Variants in KIF22 observed in about 807,000 individuals in gnomAD.
The protein encoded by KIF22 is kinesin family member 22, also known as kinesin-like protein KIF22.
Under a neutral mutation model 73.0 loss-of-function variants are expected in KIF22, and 62 were observed. The ratio of observed to expected loss-of-function variants is 0.85; its 90% CI spans 0.69 to 1.05. The LOEUF (loss-of-function observed/expected upper bound fraction) is 1.05, where lower values mean the gene tolerates loss of function less well. KIF22 is among the 50% of genes least tolerant of loss of function. The pLI, the probability that KIF22 is intolerant of heterozygous loss-of-function variation, is 0.00. For missense variants in KIF22, 854 were observed against 870.1 expected, an observed-to-expected ratio of 0.98 and a Z score of 0.23; for synonymous variants, 411 against 340.1, an observed-to-expected ratio of 1.21 and a Z score of -2.29.
Position 29,799,150 on chromosome 16 carries a change from G to A in KIF22, c.725G>A (p.Arg242His), listed in dbSNP as rs550717370. The change falls in exon 5 of 14, where the codon CGC (arginine) becomes CAC (histidine). Residue 242 changes from arginine to histidine, a missense_variant. Coordinates refer to ENST00000160827, the MANE Select transcript of KIF22 (RefSeq NM_007317.3). ...RTVGATRLNQ[R>H]SSRSHAVLLV... is the part of the protein sequence containing the mutation. ...GTAGGAGCCACCCGGCTCAACCAGC[G>A]CTCCTCCCGCAGTCATGCTGTGCTC... is the stretch of plus-strand genomic sequence containing the variant. The A allele has an allele frequency of 4.6e-5, 75 of 1,613,976 alleles. No individual in the cohort carries two copies. In the East Asian group the frequency reaches 1.2e-3, roughly 26 times the overall value.
chr16:29,797,101 C>A lies in KIF22; in HGVS notation c.266+13C>A. On this transcript the variant is annotated intron_variant, in intron 2 of 13. Transcript: ENST00000160827. The surrounding 1 kb of genome is among the most constrained non-coding windows in gnomAD (Gnocchi z 4.1). ...CTCTCAAATACCAGTAAGGTTCAGG[C>A]CACTCCTCTTCCCTCATGCCATCAC... 2 of 1,550,318 alleles carry A rather than the reference C, an allele frequency of 1.3e-6. No individual in the cohort carries two copies. The highest frequency in any genetic ancestry group is 1.7e-6 in the Non-Finnish European group (2 of 1,143,474).
chr16:29,796,672 G>C (rs1397046112), intron 1 of KIF22, among the ~76,000 whole-genome samples: 1 of 152,010 alleles, frequency 6.6e-6, no homozygotes, highest in Non-Finnish European at 1.5e-5. Context: ...CAGGTTATTT[G>C]TGTATACATT....
chr16:29,800,108 C>T (rs1256086370), intron 8 of KIF22, 60 bp downstream of exon 8: 1 of 1,524,240 alleles, frequency 6.6e-7, no homozygotes, highest in South Asian at 1.2e-5. Flanking sequence ...AGCAGAGCTG[C>T]AATGCCCGTC....
chr16:29,803,859 A>T (rs1254734978), intron 10 of KIF22, 139 bp from the exon 11 acceptor site: 2 of 723,780 alleles, frequency 2.8e-6, no homozygotes, highest in Non-Finnish European at 4.9e-6. Context: ...GCGGGTATAA[A>T]AAAGGTCATG....
chr16:29,792,899 C>CCAG, intron 1 of KIF22, among the ~76,000 whole-genome samples: 1 of 152,198 alleles, frequency 6.6e-6, no homozygotes, highest in South Asian at 2.1e-4. Flanking sequence ...CTTGCTACCA[C>CCAG]CAGCAAGGAA....
chr16:29,794,795 C>T (rs563923549), intron 1 of KIF22, among the ~76,000 whole-genome samples: 2 of 152,184 alleles, frequency 1.3e-5, no homozygotes, highest in African/African-American at 4.8e-5. Context: ...ACGCTGGTCT[C>T]GAACTCCTGA....
At chr16:29,796,816 C>A in intron 1 of KIF22, 77 bp from the exon 2 acceptor site, 1 of 1,399,264 alleles carries the variant, frequency 7.1e-7, no homozygotes, top group Non-Finnish European at 1.0e-6. Context: ...TGGCCCCCAG[C>A]CCGCCCAGCA....
In KIF22 at chr16:29,803,548, C is replaced by A; in HGVS notation, c.1549C>A (p.His517Asn). Residue 517 changes from histidine (H) to asparagine (N), a missense_variant, in exon 10 of 14, where the codon CAT becomes AAT. By Grantham distance (68) the His-to-Asn change is moderately conservative. This residue lies in a region of KIF22 where 423 missense variants were observed against 365.4 expected (regional missense o/e 1.16). Transcript: ENST00000160827. ...TCCCACAATGCTCCGGCCCCTTTCA[C>A]ATCGCACAGTCACAGGGGCAAAGCC... ...HCPTMLRPLS[H>N]RTVTGAKPLK... 1 of 1,613,898 alleles carries A rather than the reference C, an allele frequency of 6.2e-7. No individual in the cohort carries two copies. Among genetic ancestry groups the A allele is most frequent in the Non-Finnish European group, 8.5e-7 (1 of 1,179,860 alleles).
At chr16:29,799,872 A>G (rs1332856904) in intron 7 of KIF22, 41 bp from the exon 8 acceptor site, 2 of 1,611,996 alleles carry the variant, frequency 1.2e-6, no homozygotes. Flanking sequence ...GAGGCTGACC[A>G]CCCCCAATCC....
At chr16:29,790,887 A>T in intron 1 of KIF22, 58 bp downstream of exon 1, 1 of 1,559,208 alleles carries the variant, frequency 6.4e-7, no homozygotes, top group Admixed American at 1.9e-5. Context: ...AGTGGGAGTT[A>T]TGTGTCGGAG....
rs1451627227 is a variant in KIF22 at position 29,804,924 on chromosome 16, G to A, written c.1788G>A (p.Leu596=). The stretch of plus-strand genomic sequence containing the variant: ...GGCGCCAAAAAATACTGGATCTGCT[G>A]AACGAAGGCTCAGCCCGAGATCTCC... ...AHGRQKILDL[L]NEGSARDLRS... is the part of the protein sequence containing the mutation. Residue 596 remains leucine (L), a synonymous_variant, in exon 12 of 14, where the codon CTG becomes CTA. Coordinates refer to ENST00000160827, the MANE Select transcript of KIF22 (RefSeq NM_007317.3). 6.2e-7 allele frequency: 1 copy of A among 1,611,826 alleles called. No homozygotes were observed. The highest frequency in any genetic ancestry group is 8.5e-7 in the Non-Finnish European group (1 of 1,179,230).
rs1301413089 is a variant in KIF22 at position 29,802,864 on chromosome 16, C to T, written c.1376C>T (p.Pro459Leu). 1.2e-6 allele frequency: 2 copies of T among 1,611,650 alleles called. No individual in the cohort carries two copies. Among genetic ancestry groups the T allele is most frequent in the African/African-American group, 1.3e-5 (1 of 74,766 alleles). ...LLASQGSQGA[P>L]LLSTPKRERM... The stretch of plus-strand genomic sequence containing the variant: ...GCCTCCCAGGGGAGCCAGGGGGCCC[C>T]TCTGTTGAGTACCCCAAAGCGAGAG... Residue 459 changes from proline to leucine, a missense_variant, in exon 9 of 14, where the codon CCT becomes CTT. Around this residue, in one of 3 missense-constraint regions of KIF22, gnomAD observed 423 missense variants for 365.4 expected, o/e 1.16. Transcript: ENST00000160827.
intron 1 of KIF22, among the ~76,000 whole-genome samples, chr16:29,794,528 C>T (rs1898900999): frequency 6.6e-6 from 1 of 152,092 alleles, no homozygotes; most frequent in Non-Finnish European, 1.5e-5. Flanking sequence ...GAATGATGAA[C>T]CTACCTACTA....
At chr16:29,805,061 G>C (rs780943587) in intron 12 of KIF22, 35 bp downstream of exon 12, 1 of 1,611,008 alleles carries the variant, frequency 6.2e-7, no homozygotes. Context: ...GGGCGGGGGC[G>C]GGGGAGACCG....
intron 1 of KIF22, among the ~76,000 whole-genome samples, chr16:29,794,119 C>G (rs140600481): frequency 2.6e-5 from 4 of 152,262 alleles, no homozygotes; most frequent in Non-Finnish European, 5.9e-5. Flanking sequence ...ACTTTGAATC[C>G]TCACATTCTT....
chr16:29,794,380 C>G (rs955493215), intron 1 of KIF22, among the ~76,000 whole-genome samples: 6 of 152,156 alleles, frequency 3.9e-5, no homozygotes, highest in African/African-American at 1.4e-4. Context: ...ACTCTCCTAA[C>G]AACCTAACAA....
chr16:29,803,795 A>G (rs1899232744), intron 10 of KIF22, among the ~76,000 whole-genome samples, 187 bp downstream of exon 10: 1 of 152,194 alleles, frequency 6.6e-6, no homozygotes, highest in Non-Finnish European at 1.5e-5. Context: ...AGTGGGATGG[A>G]CAAACGAGTA....
In KIF22 at chr16:29,796,943, C is replaced by G. The variant is rs754221499; in HGVS notation, c.121C>G (p.Pro41Ala). ...GATTGGAGCTACTCGTCGTCCACCTCCAGCTCGCGTAAGGGTGGCTGTGCG... is the reference window on the plus strand; with the variant it reads ...GATTGGAGCTACTCGTCGTCCACCTGCAGCTCGCGTAAGGGTGGCTGTGCG... ...SKIGATRRPP[P>A]ARVRVAVRLR... The change falls in exon 2 of 14, where the codon CCA (proline) becomes GCA (alanine). Residue 41 changes from proline to alanine, a missense_variant. Physicochemically the swap from Pro to Ala is conservative, Grantham distance 27. Coordinates refer to ENST00000160827, the MANE Select transcript of KIF22 (RefSeq NM_007317.3). The G allele has an allele frequency of 6.2e-7, 1 of 1,614,148 alleles. No individual in the cohort carries two copies. Among genetic ancestry groups the G allele is most frequent in the Non-Finnish European group, 8.5e-7 (1 of 1,180,012 alleles).
At chr16:29,804,320 A>G in intron 11 of KIF22, 1 of 603,478 alleles carries the variant, frequency 1.7e-6, no homozygotes, top group South Asian at 2.0e-5. Context: ...TACCCTCTAC[A>G]AGCTTAAGAG....
Sources: allele counts gnomAD v4.1 joint callset (sites outside exome capture counted in the v4.1 genomes callset), GRCh38; gene constraint gnomAD v4.1.1; regional missense constraint gnomAD v4.1.1; non-coding constraint Gnocchi (gnomAD v3.1); transcripts MANE v1.5; gene names NCBI Gene and HGNC (gene_info 2026-07-23, HGNC 2026-07-21).